Variants in EPM2A observed in about 807,000 individuals in gnomAD.
EPM2A encodes the protein EPM2A glucan phosphatase, laforin, also known as laforin.
A neutral mutation model predicts 26.5 loss-of-function variants in EPM2A; 21 were observed. The observed-to-expected ratio is 0.79, with a 90% confidence interval of 0.56 to 1.14. EPM2A has a LOEUF of 1.14. Among genes scored for constraint, EPM2A ranks in the 50% most tolerant of loss-of-function variants. EPM2A has a pLI of 0.00. For synonymous variants in EPM2A, 217 were observed against 177.6 expected, an observed-to-expected ratio of 1.22 and a Z score of -1.76; for missense variants, 458 against 440.8, an observed-to-expected ratio of 1.04 and a Z score of -0.35.
intron 1 of EPM2A, chr6:145,705,694 A>G (rs1214534583): frequency 2.5e-6 from 1 of 405,194 alleles, no homozygotes; most frequent in African/African-American, 2.1e-5. Flanking sequence ...TGAAATAGCA[A>G]CAATTTCTTG....
chr6:145,699,715 A>T (rs992045556), intron 1 of EPM2A, among the ~76,000 whole-genome samples: 1 of 152,246 alleles, frequency 6.6e-6, no homozygotes, highest in African/African-American at 2.4e-5. Flanking sequence ...TTCCAAAGCC[A>T]GCACTGTAAA....
intron 4 of EPM2A, among the ~76,000 whole-genome samples, chr6:145,439,337 T>C (rs556489246): frequency 6.2e-4 from 94 of 152,314 alleles, no homozygotes; most frequent in Admixed American, 1.4e-3. Flanking sequence ...AGTAGTGAGA[T>C]TGCTGGGTTG....
intron 2 of EPM2A, among the ~76,000 whole-genome samples, chr6:145,512,817 A>C (rs1780074168): frequency 6.6e-6 from 1 of 151,972 alleles, no homozygotes; most frequent in Non-Finnish European, 1.5e-5. Context: ...CAATGGGGAA[A>C]GAACTCTCTA....
rs114262889 is a variant in EPM2A, at chr6:145,414,516, C to T, written c.556-30419G>A. The stretch of plus-strand genomic sequence containing the variant: ...TCCTAAATATCTCTAGATTTTTCCC[C>T]GTCTTTATTTTCCTTTTAATTTCTC... On this transcript the variant is annotated intron_variant, in intron 4 of 4. Transcript: ENST00000638717. 3.2e-3 allele frequency among the ~76,000 whole-genome samples: 486 copies of T among 152,036 alleles called. 3 individuals are homozygous for T. The highest frequency in any genetic ancestry group is 0.011 in the African/African-American group (467 of 41,468).
At chr6:145,478,288 A>T (rs1008318036) in intron 4 of EPM2A, among the ~76,000 whole-genome samples, 3 of 151,962 alleles carry the variant, frequency 2.0e-5, no homozygotes, top group Non-Finnish European at 4.4e-5. Context: ...ACACCAAAAA[A>T]AATGGAAAAA....
At chr6:145,518,262 G>A (rs376100507) in intron 2 of EPM2A, among the ~76,000 whole-genome samples, 7 of 152,216 alleles carry the variant, frequency 4.6e-5, no homozygotes, top group South Asian at 2.1e-4. Context: ...TGTTCTCAGC[G>A]AGAAAAGTTT....
chr6:145,474,071 A>G (rs948053435), intron 4 of EPM2A, among the ~76,000 whole-genome samples: 5 of 152,344 alleles, frequency 3.3e-5, no homozygotes, highest in Middle Eastern at 3.4e-3. Flanking sequence ...AAGTAGAAAG[A>G]CTAAAGTGTG....
chr6:145,468,055 T>C (rs1394547811), intron 4 of EPM2A, among the ~76,000 whole-genome samples: 1 of 152,038 alleles, frequency 6.6e-6, no homozygotes, highest in East Asian at 1.9e-4. Flanking sequence ...AGTTTAATCC[T>C]TGCGTAACCA....
chr6:145,442,866 T>A (rs1273792594), intron 4 of EPM2A, among the ~76,000 whole-genome samples: 1 of 8,080 alleles, frequency 1.2e-4, no homozygotes, highest in Non-Finnish European at 3.8e-4. Flanking sequence ...TTTCTTACTA[T>A]TTTTTTTTTT....
chr6:145,506,809 G>A (rs1779981683), intron 2 of EPM2A, among the ~76,000 whole-genome samples: 1 of 152,190 alleles, frequency 6.6e-6, no homozygotes, highest in Non-Finnish European at 1.5e-5. Flanking sequence ...AGGCCACACT[G>A]ACCAGCCTAT....
chr6:145,517,566 A>G (rs1336393703), intron 2 of EPM2A, among the ~76,000 whole-genome samples: 1 of 152,212 alleles, frequency 6.6e-6, no homozygotes, highest in Non-Finnish European at 1.5e-5. Flanking sequence ...AAGAGCTTCG[A>G]AAGGCATAAT....
chr6:145,515,841 T>C (rs190858722), intron 2 of EPM2A, among the ~76,000 whole-genome samples: 1 of 152,332 alleles, frequency 6.6e-6, no homozygotes, highest in East Asian at 1.9e-4. Flanking sequence ...TGCGAAAGGA[T>C]CCAAAGACAA....
At chr6:145,711,073 T>C (rs1463282443) in intron 1 of EPM2A, among the ~76,000 whole-genome samples, 1 of 151,968 alleles carries the variant, frequency 6.6e-6, no homozygotes, top group Non-Finnish European at 1.5e-5. Context: ...TATACATATG[T>C]AACAAACCTG....
chr6:145,512,710 CAAAAAAAAAAAA>C (rs58668403), intron 2 of EPM2A, among the ~76,000 whole-genome samples: 1 of 22,540 alleles, frequency 4.4e-5, no homozygotes, highest in Non-Finnish European at 1.1e-4. Context: ...GACTCCATCT[CAAAAAAAAAAAA>C]AAAAAAAAAA....
At chr6:145,522,177 C>A (rs1780211108) in intron 2 of EPM2A, among the ~76,000 whole-genome samples, 1 of 152,132 alleles carries the variant, frequency 6.6e-6, no homozygotes, top group South Asian at 2.1e-4. Flanking sequence ...TGGTCTCGAT[C>A]TCCTGACTTC....
chr6:145,628,000 C>A, intron 3 of EPM2A: 1 of 359,246 alleles, frequency 2.8e-6, no homozygotes, highest in Non-Finnish European at 5.1e-6. Context: ...TATCGCCTGT[C>A]ATCAGAATGC....
chr6:145,574,601 T>A (rs1562388022), intron 2 of EPM2A, among the ~76,000 whole-genome samples: 1 of 152,196 alleles, frequency 6.6e-6, no homozygotes, highest in African/African-American at 2.4e-5. Flanking sequence ...CCCTCCCAGC[T>A]GGGATGAGTA....
At chr6:145,618,179 G>A (rs1034749199) in intron 2 of EPM2A, among the ~76,000 whole-genome samples, 4 of 152,224 alleles carry the variant, frequency 2.6e-5, no homozygotes, top group African/African-American at 9.6e-5. Context: ...GCCTCAGAGA[G>A]GGTGTCTTCA....
intron 2 of EPM2A, among the ~76,000 whole-genome samples, chr6:145,527,032 T>C (rs530047995): frequency 1.3e-5 from 2 of 152,244 alleles, no homozygotes; most frequent in Admixed American, 1.3e-4. Context: ...TGCCTTAAAT[T>C]CATAGTTTAC....
Sources: gnomAD v4.1 joint callset for allele counts (sites outside exome capture counted in the v4.1 genomes callset) on GRCh38, gnomAD v4.1.1 for gene constraint, MANE v1.5 for transcripts, NCBI Gene and HGNC (gene_info 2026-07-23, HGNC 2026-07-21) for gene names.